The following PILRA variants were observed in gnomAD, a reference collection of about 807,000 sequenced individuals.
The protein encoded by PILRA is paired immunoglobin like type 2 receptor alpha.
In PILRA, 37 loss-of-function variants were observed where a neutral mutation model predicts 33.1. The observed-to-expected ratio is 1.12, with a 90% CI of 0.86 to 1.47. The LOEUF is 1.47. PILRA is among the 40% of genes most tolerant of loss of function. The probability of loss-of-function intolerance (pLI) is 0.00; values close to 1 mark genes in which losing one functional copy is unlikely to be tolerated. For synonymous variants in PILRA, 146 were observed against 149.9 expected, an observed-to-expected ratio of 0.97 and a Z score of 0.19; for missense variants, 312 against 376.2, an observed-to-expected ratio of 0.83 and a Z score of 1.41.
Position 100,399,469 on chromosome 7 carries a change from G to A in PILRA, c.758-112G>A, listed in dbSNP as rs538976862. ...TCCATTCCTTGCCCCTTGCCCTCAC[G>A]TGACCCTGGCCCTGACCTAGCAGAT... On this transcript the variant is annotated intron_variant, in intron 5 of 6. Transcript: ENST00000198536. 3.6e-5 allele frequency: 52 copies of A among 1,425,338 alleles called. 1 individual carries two copies. The highest frequency in any genetic ancestry group is 3.6e-4 in the South Asian group (31 of 87,114). The allele number at this position is 1,425,338 out of a possible 1,614,324, so 88.3% of individuals were successfully genotyped here. A position where few individuals can be genotyped will look rare whatever the true frequency, so the allele number is the denominator to read the frequency against.
At chr7:100,398,452 T>C (rs529072325) in intron 4 of PILRA, among the ~76,000 whole-genome samples, 2 of 152,244 alleles carry the variant, frequency 1.3e-5, no homozygotes, top group Admixed American at 6.5e-5. Flanking sequence ...CTCTCCACCC[T>C]CCCACCTCTC....
At chr7:100,398,477 GC>G in intron 4 of PILRA, among the ~76,000 whole-genome samples, 1 of 151,890 alleles carries the variant, frequency 6.6e-6, no homozygotes, top group Non-Finnish European at 1.5e-5. Context: ...CTTTCCTCTG[GC>G]CCCTCCTTTC....
At chr7:100,391,865 G>A (rs1791396893) in intron 3 of PILRA, among the ~76,000 whole-genome samples, 1 of 152,146 alleles carries the variant, frequency 6.6e-6, no homozygotes, top group East Asian at 1.9e-4. Flanking sequence ...TGTTACACTG[G>A]AGATCCATGT....
chr7:100,376,122 G>A (rs962028404), intron 2 of PILRA: 3 of 152,146 alleles, frequency 2.0e-5, no homozygotes, highest in Non-Finnish European at 2.9e-5. Context: ...TCCCTGCAGG[G>A]ACCTGCAGGG....
chr7:100,393,177 G>C (rs1421641947), intron 3 of PILRA, among the ~76,000 whole-genome samples: 1 of 152,072 alleles, frequency 6.6e-6, no homozygotes, highest in Non-Finnish European at 1.5e-5. Flanking sequence ...CTACTTGGGG[G>C]GCTGAGGCAT....
At chr7:100,382,808 TA>T (rs1326303148) in intron 2 of PILRA, among the ~76,000 whole-genome samples, 53 of 152,324 alleles carry the variant, frequency 3.5e-4, no homozygotes, top group African/African-American at 1.2e-3. Flanking sequence ...TGAAGGTTTG[TA>T]GCTTCACTCT....
chr7:100,391,180 TAA>T (rs1491093151), intron 3 of PILRA, among the ~76,000 whole-genome samples: 31 of 141,824 alleles, frequency 2.2e-4, no homozygotes, highest in African/African-American at 7.5e-4. Context: ...ATAATAATAA[TAA>T]TAATTATTAT....
upstream of PILRA, among the ~76,000 whole-genome samples, chr7:100,372,290 T>G (rs1177283501): frequency 7.0e-6 from 1 of 142,744 alleles, no homozygotes; most frequent in Non-Finnish European, 1.5e-5. Flanking sequence ...TCCTCAGGCC[T>G]GTAAAGGGAG....
intron 2 of PILRA, among the ~76,000 whole-genome samples, chr7:100,380,731 C>T (rs145577630): frequency 0.01 from 1,553 of 152,024 alleles, 19 homozygotes; most frequent in African/African-American, 0.036. Flanking sequence ...TTTGGTAGGC[C>T]GAGGCGGGCG....
upstream of PILRA, among the ~76,000 whole-genome samples, chr7:100,372,827 T>TG (rs1563113531): frequency 6.6e-6 from 1 of 152,022 alleles, no homozygotes; most frequent in Non-Finnish European, 1.5e-5. Flanking sequence ...GCAAGTCACG[T>TG]GGCCTGGGGC....
chr7:100,381,579 G>T (rs1791094721), intron 2 of PILRA, among the ~76,000 whole-genome samples: 1 of 152,230 alleles, frequency 6.6e-6, no homozygotes, highest in African/African-American at 2.4e-5. Context: ...CGTGCTGTCA[G>T]CCCTCGCTCG....
At chr7:100,392,733 G>A (rs1791414470) in intron 3 of PILRA, among the ~76,000 whole-genome samples, 1 of 152,148 alleles carries the variant, frequency 6.6e-6, no homozygotes. Flanking sequence ...GAATTTAGTT[G>A]GTTAAAATGT....
chr7:100,396,988 T>G (rs1434859429), intron 3 of PILRA, among the ~76,000 whole-genome samples: 1 of 146,326 alleles, frequency 6.8e-6, no homozygotes, highest in Non-Finnish European at 1.5e-5. Context: ...TGTTTTTTTG[T>G]TTTTTTTTTA....
At chr7:100,397,496 G>A (rs555693383) in intron 3 of PILRA, among the ~76,000 whole-genome samples, 5 of 151,942 alleles carry the variant, frequency 3.3e-5, no homozygotes, top group African/African-American at 1.2e-4. Flanking sequence ...GCACAGGCAC[G>A]GTCTCCCTGA....
Position 100,389,896 on chromosome 7 carries a change from A to G in PILRA, c.463A>G (p.Thr155Ala). ...TKLSITQAVT[T>A]TTQRPSSMTT... is the part of the protein sequence containing the mutation. ...TCCTCATCTCTCCCCAGCTGTCACG[A>G]CCACCACCCAGAGGCCCAGCAGCAT... The change falls in exon 3 of 7, where the codon ACC (threonine) becomes GCC (alanine). Residue 155 changes from threonine (T) to alanine (A), a missense_variant. By Grantham distance (58) the Thr-to-Ala change is moderately conservative (BLOSUM62 0). Coordinates refer to ENST00000198536, the MANE Select transcript of PILRA (RefSeq NM_013439.3). The G allele has an allele frequency of 6.2e-7, 1 of 1,613,528 alleles. No individual in the cohort carries two copies. The highest frequency in any genetic ancestry group is 8.5e-7 in the Non-Finnish European group (1 of 1,179,832).
chr7:100,380,994 C>T (rs1396037447), intron 2 of PILRA, among the ~76,000 whole-genome samples: 20 of 147,756 alleles, frequency 1.4e-4, no homozygotes, highest in South Asian at 4.3e-4. Context: ...AACAAAAACA[C>T]GGTGGCTCAC....
intron 4 of PILRA, 115 bp downstream of exon 4, chr7:100,398,027 A>G: frequency 4.0e-6 from 4 of 1,009,422 alleles, no homozygotes; most frequent in South Asian, 2.8e-5. Context: ...TGCCACGGCC[A>G]TTGTTGCATC....
chr7:100,374,711 A>G (rs1790907507), intron 2 of PILRA: 4 of 505,832 alleles, frequency 7.9e-6, no homozygotes, highest in Non-Finnish European at 1.4e-5. Flanking sequence ...TGGACCCTCT[A>G]ATTATCCTTC....
intron 2 of PILRA, among the ~76,000 whole-genome samples, chr7:100,381,686 C>T (rs922381375): frequency 1.3e-5 from 2 of 152,172 alleles, no homozygotes; most frequent in East Asian, 1.9e-4. Context: ...CTGGGATGGC[C>T]GAGGCCAGAG....
Sources: allele counts gnomAD v4.1 joint callset (sites outside exome capture counted in the v4.1 genomes callset), GRCh38; gene constraint gnomAD v4.1.1; transcripts MANE v1.5; gene names NCBI Gene and HGNC (gene_info 2026-07-23, HGNC 2026-07-21).